TRRAP: variants seen among roughly 807,000 people sequenced by gnomAD.
The protein encoded by TRRAP is transformation/transcription domain-associated protein.
Under a neutral mutation model 438.8 loss-of-function variants are expected in TRRAP, and 41 were observed. That is an observed-to-expected ratio of 0.09 (90% CI 0.07 to 0.12). The LOEUF (loss-of-function observed/expected upper bound fraction) is 0.12, where lower values mean the gene tolerates loss of function less well. TRRAP is among the 10% of genes least tolerant of loss of function. The pLI, the probability that TRRAP is intolerant of heterozygous loss-of-function variation, is 1.00. For synonymous variants in TRRAP, 1,994 were observed against 1,962.9 expected (o/e 1.02, Z -0.42); for missense variants, 3,122 against 5,055.1 (o/e 0.62, Z 11.60).
chr7:98,965,423 G>A (rs1562963136), intron 48 of TRRAP, among the ~76,000 whole-genome samples: 1 of 152,116 alleles, frequency 6.6e-6, no homozygotes, highest in Non-Finnish European at 1.5e-5. Context: ...AGAGTACAGG[G>A]GCCATGATTA....
At chr7:98,998,256 T>A (rs1793759681) in intron 67 of TRRAP, among the ~76,000 whole-genome samples, 1 of 152,176 alleles carries the variant, frequency 6.6e-6, no homozygotes, top group Admixed American at 6.5e-5. Context: ...AAATAAATAT[T>A]TAATTTTTAA....
At position 98,881,105 on chromosome 7, in the gene TRRAP, G is replaced by T; in HGVS notation, c.-46G>T. The T allele has an allele frequency of 6.5e-7, 1 of 1,542,218 alleles. No individual in the cohort carries two copies. On this transcript the variant is annotated 5_prime_UTR_variant, in exon 2 of 73. An upstream start codon of the reference 5' UTR is lost. Coordinates refer to ENST00000456197, the MANE Select transcript of TRRAP (RefSeq NM_001375524.1). ...CTTTTCATAGGCTGGTTGAACTCATGGACCTGATACTTTTCTCTTGAGAAG... is the reference window on the plus strand; with the variant it reads ...CTTTTCATAGGCTGGTTGAACTCATTGACCTGATACTTTTCTCTTGAGAAG...
At chr7:98,915,105 CA>C (rs1554409383) in intron 18 of TRRAP, among the ~76,000 whole-genome samples, 1 of 151,832 alleles carries the variant, frequency 6.6e-6, no homozygotes, top group African/African-American at 2.4e-5. Flanking sequence ...TTAAGTCTTC[CA>C]AAACGCTATA....
At chr7:99,004,442 A>G (rs771917386) in intron 68 of TRRAP, 27 bp downstream of exon 68, 1 of 1,601,520 alleles carries the variant, frequency 6.2e-7, no homozygotes, top group African/African-American at 1.3e-5. Context: ...GGCAGGTGGA[A>G]CTAACCCACG....
intron 62 of TRRAP, 106 bp from the exon 63 acceptor site, chr7:98,988,657 ATG>A: frequency 7.5e-7 from 1 of 1,325,516 alleles, no homozygotes; most frequent in Non-Finnish European, 1.0e-6. Context: ...AACATTGTGA[ATG>A]GACCAAATGC....
At chr7:98,920,599 C>T (rs572416038) in intron 20 of TRRAP, among the ~76,000 whole-genome samples, 65 of 152,186 alleles carry the variant, frequency 4.3e-4, no homozygotes, top group Non-Finnish European at 7.1e-4. Context: ...GCGGATATTT[C>T]TTAAATGCGG....
chr7:98,922,096 G>C (rs782330640), intron 21 of TRRAP, 143 bp downstream of exon 21: 17 of 1,173,174 alleles, frequency 1.4e-5, no homozygotes, highest in Non-Finnish European at 2.0e-5. Flanking sequence ...GGTTGGCACA[G>C]GGGCTTTCCT....
chr7:98,900,273 C>T (rs1313527710), intron 10 of TRRAP, among the ~76,000 whole-genome samples: 2 of 152,148 alleles, frequency 1.3e-5, no homozygotes, highest in Non-Finnish European at 2.9e-5. Context: ...AGGGCAGCAT[C>T]TGAGGAGGAA....
At chr7:98,883,097 CTA>C (rs1265125931) in intron 3 of TRRAP, among the ~76,000 whole-genome samples, 1 of 152,270 alleles carries the variant, frequency 6.6e-6, no homozygotes, top group African/African-American at 2.4e-5. Context: ...AGAACTTTCT[CTA>C]TTGTGGACCT....
At chr7:98,967,375 T>G in intron 50 of TRRAP, 110 bp from the exon 51 acceptor site, 1 of 1,378,030 alleles carries the variant, frequency 7.3e-7, no homozygotes, top group South Asian at 1.3e-5. Flanking sequence ...ATACTCTTGG[T>G]TTTCATAGTG....
chr7:98,927,133 G>A (rs1554411705), intron 22 of TRRAP, 34 bp from the exon 23 acceptor site: 7 of 1,612,920 alleles, frequency 4.3e-6, no homozygotes, highest in Non-Finnish European at 5.1e-6. Context: ...CAGGAGTTGG[G>A]TGTCGTGACA....
Position 98,908,692 on chromosome 7 carries a change from G to A in TRRAP, c.1116-36G>A, listed in dbSNP as rs782743761. On this transcript the variant is annotated intron_variant, in intron 13 of 72. Transcript: ENST00000456197. The surrounding 1 kb of genome is among the most constrained non-coding windows in gnomAD (Gnocchi z 4.1). ...GGCCTGCTGCAGCAGGCATGGCCACGTGGGAATGAGCACTAGTCGAGGTCT... is the reference window on the plus strand; with the variant it reads ...GGCCTGCTGCAGCAGGCATGGCCACATGGGAATGAGCACTAGTCGAGGTCT... The A allele has an allele frequency of 7.2e-6, 11 of 1,530,150 alleles. No homozygotes were observed. The highest frequency in any genetic ancestry group is 5.5e-5 in the African/African-American group (4 of 72,818). The allele number at this position is 1,530,150 out of a possible 1,614,324, so 94.8% of individuals were successfully genotyped here.
In TRRAP at chr7:98,949,565, A is replaced by G. The variant is rs781985312; in HGVS notation, c.4937A>G (p.Gln1646Arg). The G allele has an allele frequency of 1.9e-6, 3 of 1,583,856 alleles. No individual in the cohort carries two copies. The highest frequency in any genetic ancestry group is 1.4e-5 in the African/African-American group (1 of 73,566). Residue 1646 changes from glutamine to arginine, a missense_variant, in exon 36 of 73, where the codon CAG becomes CGG. Gln to Arg is a conservative substitution (Grantham distance 43). Around this residue, in one of 24 missense-constraint regions of TRRAP, gnomAD observed 272 missense variants for 348.5 expected, o/e 0.78. Transcript: ENST00000456197. ...PSTSTMRLDL[Q>R]FQAIKIISII... ...ACCAGCACCATGCGCCTGGACCTCC[A>G]GTTCCAGGCCATCAAGGTAGCGCCC...
intron 39 of TRRAP, 53 bp from the exon 40 acceptor site, chr7:98,953,114 T>A: frequency 1.9e-6 from 3 of 1,576,314 alleles, no homozygotes; most frequent in Non-Finnish European, 1.7e-6. Flanking sequence ...TGACCCTCAG[T>A]CAGTAACCCA....
chr7:98,995,438 G>A (rs1185718571), intron 67 of TRRAP, among the ~76,000 whole-genome samples: 3 of 152,202 alleles, frequency 2.0e-5, no homozygotes, highest in African/African-American at 7.2e-5. Context: ...CTGCAGCGAC[G>A]AGCTAAGTGC....
In TRRAP at chr7:98,976,818, T is replaced by G; in HGVS notation, c.8247+48T>G. 1.2e-6 allele frequency: 2 copies of G among 1,602,686 alleles called. No homozygotes were observed. The highest frequency in any genetic ancestry group is 1.7e-6 in the Non-Finnish European group (2 of 1,172,836). On this transcript the variant is annotated intron_variant, in intron 55 of 72. Coordinates refer to ENST00000456197, the MANE Select transcript of TRRAP (RefSeq NM_001375524.1). This position sits in a 1 kb window ranked among gnomAD's most constrained non-coding sequence, Gnocchi z 4.6. ...TAATTACCTCTTCCCTGCCAGTGAC[T>G]TCACACTTTAAATAAATACTCCTCC...
At chr7:98,910,454 A>G in intron 15 of TRRAP, 35 bp downstream of exon 15, 1 of 1,612,976 alleles carries the variant, frequency 6.2e-7, no homozygotes. Context: ...GACAAACAAT[A>G]GTTTTCATAA....
intron 14 of TRRAP, 53 bp downstream of exon 14, chr7:98,909,015 C>A (rs1336437895): frequency 1.4e-5 from 18 of 1,313,288 alleles, no homozygotes; most frequent in Non-Finnish European, 1.8e-5. Context: ...CTGTTTGTGG[C>A]TAAATTTTTT....
chr7:98,953,022 C>G lies in TRRAP; in HGVS notation c.5464-145C>G, dbSNP rs1015095453. On this transcript the variant is annotated intron_variant, in intron 39 of 72. Coordinates refer to ENST00000456197, the MANE Select transcript of TRRAP (RefSeq NM_001375524.1). The stretch of plus-strand genomic sequence containing the variant: ...TATTGATAACCTCCTTGTAAAACTT[C>G]ATGTTACATTGTGTGTGTGTGTGTG... 4.8e-5 allele frequency: 48 copies of G among 991,668 alleles called. 1 individual carries two copies. The South Asian group carries it at 9.9e-4, about 21-fold the overall frequency. 61.4% of individuals were successfully genotyped at this position (991,668 alleles called of 1,614,324 possible). A position where few individuals can be genotyped will look rare whatever the true frequency, so the allele number is the denominator to read the frequency against.
Sources: gnomAD v4.1 joint callset for allele counts (sites outside exome capture counted in the v4.1 genomes callset) on GRCh38, gnomAD v4.1.1 for gene constraint, gnomAD v4.1.1 regional missense constraint, Gnocchi (gnomAD v3.1) non-coding constraint, MANE v1.5 for transcripts, NCBI Gene and HGNC (gene_info 2026-07-23, HGNC 2026-07-21) for gene names.